The following SDK1 variants were observed in gnomAD, a reference collection of about 807,000 sequenced individuals.
The protein encoded by SDK1 is sidekick cell adhesion molecule 1, also known as protein sidekick-1.
SDK1 carries 157 observed loss-of-function variants against 245.5 expected under a neutral mutation model. The ratio of observed to expected loss-of-function variants is 0.64; its 90% confidence interval spans 0.56 to 0.73. SDK1 has a LOEUF of 0.73. Ranked by LOEUF, SDK1 falls within the 30% of genes least tolerant of loss-of-function variation. The probability of loss-of-function intolerance (pLI) is 0.00; values close to 1 mark genes in which losing one functional copy is unlikely to be tolerated. For missense variants in SDK1, 3,583 were observed against 3,002.3 expected (o/e 1.19, Z -4.52); for synonymous variants, 1,647 against 1,278.5 (o/e 1.29, Z -6.15).
chr7:4,023,472 A>C (rs1787094729), intron 17 of SDK1, among the ~76,000 whole-genome samples: 2 of 152,186 alleles, frequency 1.3e-5, no homozygotes, highest in South Asian at 4.1e-4. Context: ...TCCGCATATC[A>C]AATTTCCATG....
intron 5 of SDK1, among the ~76,000 whole-genome samples, chr7:3,930,976 C>T (rs1015330073): frequency 1.3e-5 from 2 of 152,150 alleles, no homozygotes; most frequent in African/African-American, 4.8e-5. Flanking sequence ...GTGATTTTTG[C>T]ACATCTTGCT....
intron 26 of SDK1, among the ~76,000 whole-genome samples, chr7:4,128,916 G>T (rs1327479676): frequency 4.8e-5 from 5 of 105,034 alleles, no homozygotes; most frequent in Admixed American, 9.6e-5. Flanking sequence ...TCCCCTGGAG[G>T]AGAGCAGCTT....
At chr7:3,717,117 A>G (rs1785226356) in intron 4 of SDK1, among the ~76,000 whole-genome samples, 1 of 152,224 alleles carries the variant, frequency 6.6e-6, no homozygotes, top group Non-Finnish European at 1.5e-5. Context: ...GAGTGGAATG[A>G]GGATACAAGT....
chr7:4,073,317 C>T (rs1253384611), intron 20 of SDK1, among the ~76,000 whole-genome samples: 2 of 152,194 alleles, frequency 1.3e-5, no homozygotes, highest in East Asian at 3.9e-4. Flanking sequence ...TGCTCACAGG[C>T]ATCACACGTC....
intron 1 of SDK1, among the ~76,000 whole-genome samples, chr7:3,363,853 G>A (rs1781016909): frequency 6.6e-6 from 1 of 152,156 alleles, no homozygotes; most frequent in South Asian, 2.1e-4. Flanking sequence ...TTGTTGGCCT[G>A]GGGGTTGGGG....
chr7:3,432,972 A>G (rs1392228771), intron 1 of SDK1, among the ~76,000 whole-genome samples: 3 of 152,230 alleles, frequency 2.0e-5, no homozygotes, highest in Non-Finnish European at 2.9e-5. Flanking sequence ...GAGAGTGACT[A>G]GAATCTTTGA....
At chr7:3,380,146 A>G (rs1360184869) in intron 1 of SDK1, among the ~76,000 whole-genome samples, 1 of 152,198 alleles carries the variant, frequency 6.6e-6, no homozygotes, top group Non-Finnish European at 1.5e-5. Context: ...ATAATCAGAA[A>G]AAAAGTTCCT....
chr7:4,149,635 C>T (rs971599272), intron 30 of SDK1, among the ~76,000 whole-genome samples, 172 bp downstream of exon 30: 6 of 152,200 alleles, frequency 3.9e-5, no homozygotes, highest in African/African-American at 1.4e-4. Flanking sequence ...CTCCTGGGTC[C>T]TGGAGCTACT....
At position 4,191,211 on chromosome 7, in the gene SDK1, A is replaced by G. The variant is rs115333140; in HGVS notation, c.5098+12625A>G. Among the ~76,000 whole-genome samples the G allele has an allele frequency of 2.9e-3, 441 of 149,840 alleles. 2 individuals carry two copies. The highest frequency in any genetic ancestry group is 0.01 in the African/African-American group (412 of 40,580). The stretch of plus-strand genomic sequence containing the variant: ...TGGCCCCCAGGCCCTCCCCCGCCGC[A>G]GTCACGGTGGGTGTCCTCCTGGCCC... On this transcript the variant is annotated intron_variant, in intron 35 of 44. Transcript: ENST00000404826.
At chr7:3,712,735 C>G (rs1489243859) in intron 4 of SDK1, among the ~76,000 whole-genome samples, 2 of 152,156 alleles carry the variant, frequency 1.3e-5, no homozygotes, top group African/African-American at 4.8e-5. Context: ...GAAATGGGTA[C>G]AAGAGTATAC....
At chr7:4,214,688 G>C (rs1784690226) in intron 38 of SDK1, among the ~76,000 whole-genome samples, 1 of 152,194 alleles carries the variant, frequency 6.6e-6, no homozygotes, top group Non-Finnish European at 1.5e-5. Flanking sequence ...GCACGTTCCA[G>C]ACTTCGGATT....
intron 1 of SDK1, among the ~76,000 whole-genome samples, chr7:3,467,392 T>C (rs1398062958): frequency 6.6e-6 from 1 of 152,010 alleles, no homozygotes; most frequent in Admixed American, 6.6e-5. Context: ...ACTGTACTTT[T>C]GGTATATGTA....
intron 4 of SDK1, among the ~76,000 whole-genome samples, chr7:3,657,728 G>C (rs1451572185): frequency 6.6e-6 from 1 of 152,204 alleles, no homozygotes; most frequent in Non-Finnish European, 1.5e-5. Flanking sequence ...AGCCTATGCA[G>C]ATGATGTGGA....
At chr7:3,864,979 A>G (rs73312021) in intron 5 of SDK1, among the ~76,000 whole-genome samples, 1,888 of 152,260 alleles carry the variant, frequency 0.012, 44 homozygotes, top group African/African-American at 0.044. Context: ...CTCTCTGACC[A>G]CTGGTCTCTC....
Position 4,267,315 on chromosome 7 carries a change from C to CCTCCCTTCCTCT in SDK1, c.*1937_*1948dup, listed in dbSNP as rs1788529702. 3.6e-5 allele frequency: 31 copies of CCTCCCTTCCTCT among 858,494 alleles called. No individual in the cohort carries two copies. Among genetic ancestry groups the CCTCCCTTCCTCT allele is most frequent in the Non-Finnish European group, 4.3e-5 (31 of 715,204 alleles). 53.2% of individuals were successfully genotyped at this position (858,494 alleles called of 1,614,324 possible). A position where few individuals can be genotyped will look rare whatever the true frequency, so the allele number is the denominator to read the frequency against. On this transcript the variant is annotated 3_prime_UTR_variant, in exon 45 of 45. Coordinates refer to ENST00000404826, the MANE Select transcript of SDK1 (RefSeq NM_152744.4). ...CTTCCTTCCCTCCCTTCTTTCCCTC[C>CCTCCCTTCCTCT]CTCCCTTCCTCTCTCCCCTATTCCT... is the stretch of plus-strand genomic sequence containing the variant.
chr7:3,715,506 C>A (rs1785174769), intron 4 of SDK1, among the ~76,000 whole-genome samples: 1 of 152,020 alleles, frequency 6.6e-6, no homozygotes, highest in Non-Finnish European at 1.5e-5. Context: ...CAGGGAAGCC[C>A]AGGGAAGTGC....
chr7:3,934,334 G>T (rs1352396113), intron 5 of SDK1, among the ~76,000 whole-genome samples: 1 of 152,122 alleles, frequency 6.6e-6, no homozygotes, highest in Non-Finnish European at 1.5e-5. Context: ...TTTCTCCAGG[G>T]ACTGGGGATT....
At chr7:3,374,541 C>T (rs778449504) in intron 1 of SDK1, among the ~76,000 whole-genome samples, 1 of 152,138 alleles carries the variant, frequency 6.6e-6, no homozygotes, top group African/African-American at 2.4e-5. Context: ...CCTGCATACT[C>T]CTTTGGCCAC....
chr7:3,478,186 T>G (rs1000665073), intron 1 of SDK1, among the ~76,000 whole-genome samples: 1 of 152,176 alleles, frequency 6.6e-6, no homozygotes, highest in African/African-American at 2.4e-5. Context: ...TCCTGAAGTT[T>G]CATGGCCATT....
Sources: gnomAD v4.1 joint callset for allele counts (sites outside exome capture counted in the v4.1 genomes callset) on GRCh38, gnomAD v4.1.1 for gene constraint, MANE v1.5 for transcripts, NCBI Gene and HGNC (gene_info 2026-07-23, HGNC 2026-07-21) for gene names.